EPHX1: variants seen among roughly 807,000 people sequenced by gnomAD.
EPHX1 encodes the protein epoxide hydrolase 1, also known as epoxide hydratase.
In EPHX1, 40 loss-of-function variants were observed where a neutral mutation model predicts 43.2. The observed-to-expected ratio is 0.93, with a 90% CI of 0.72 to 1.21. The LOEUF is 1.21. Ranked by LOEUF, EPHX1 falls within the 50% of genes most tolerant of loss-of-function variation. EPHX1 has a pLI of 0.00. For synonymous variants in EPHX1, 221 were observed against 226.7 expected, an observed-to-expected ratio of 0.98 and a Z score of 0.22; for missense variants, 550 against 570.4, an observed-to-expected ratio of 0.96 and a Z score of 0.36.
At chr1:225,840,673 C>T (rs2102765093) in intron 6 of EPHX1, among the ~76,000 whole-genome samples, 1 of 152,322 alleles carries the variant, frequency 6.6e-6, no homozygotes, top group Non-Finnish European at 1.5e-5. Context: ...GAGTCATTCG[C>T]ATTACCCTCA....
intron 7 of EPHX1, 35 bp from the exon 8 acceptor site, chr1:225,844,463 C>G (rs529278472): frequency 1.4e-6 from 2 of 1,480,402 alleles, no homozygotes; most frequent in Non-Finnish European, 1.9e-6. Context: ...CTGCATGTGG[C>G]ACTGAGAGTG....
At chr1:225,839,114 C>A in intron 4 of EPHX1, 103 bp from the exon 5 acceptor site, 1 of 1,578,476 alleles carries the variant, frequency 6.3e-7, no homozygotes, top group Non-Finnish European at 8.6e-7. Flanking sequence ...CTGACCTCCA[C>A]CTGGGGGTAG....
Position 225,839,194 on chromosome 1 carries a change from A to T in EPHX1, c.593-23A>T, listed in dbSNP as rs372299830. 4.0e-5 allele frequency: 65 copies of T among 1,613,828 alleles called. 1 individual carries two copies. The highest frequency in any genetic ancestry group is 5.3e-5 in the Non-Finnish European group (62 of 1,180,012). On this transcript the variant is annotated intron_variant, in intron 4 of 8. Transcript: ENST00000272167. The stretch of plus-strand genomic sequence containing the variant: ...AATCTGCCTGTGACTCCGTGACTCC[A>T]TGCCTTTCCCCATCACTGCCAGGGT...
intron 1 of EPHX1, among the ~76,000 whole-genome samples, chr1:225,827,573 G>C (rs1407140430): frequency 6.6e-6 from 1 of 152,200 alleles, no homozygotes; most frequent in East Asian, 1.9e-4. Flanking sequence ...CAACTGAGTT[G>C]ATGTGAAATG....
intron 1 of EPHX1, among the ~76,000 whole-genome samples, chr1:225,814,482 C>T (rs939247961): frequency 1.3e-5 from 2 of 152,266 alleles, no homozygotes; most frequent in South Asian, 4.1e-4. Context: ...TAGCCTTCCT[C>T]ACAGCGGTTG....
intron 1 of EPHX1, among the ~76,000 whole-genome samples, chr1:225,815,548 C>G (rs769278199): frequency 6.6e-6 from 1 of 152,066 alleles, no homozygotes; most frequent in South Asian, 2.1e-4. Context: ...CCACGGCACC[C>G]GGTCGAGATG....
At chr1:225,820,840 AG>A (rs954433729) in intron 1 of EPHX1, among the ~76,000 whole-genome samples, 2 of 152,026 alleles carry the variant, frequency 1.3e-5, no homozygotes, top group Non-Finnish European at 2.9e-5. Flanking sequence ...TATAACTGGA[AG>A]GGTGTTTATC....
chr1:225,834,408 A>G (rs928297418), intron 3 of EPHX1, among the ~76,000 whole-genome samples: 3 of 152,046 alleles, frequency 2.0e-5, no homozygotes, highest in African/African-American at 7.2e-5. Flanking sequence ...CATCTCAAAA[A>G]AAAAGGGAGA....
In EPHX1 at chr1:225,845,151, AGGTCTATGTGCCCACT is replaced by A. The variant is rs1305025217; in HGVS notation, c.1175_1190del (p.Val392AlafsTer17). The A allele has an allele frequency of 1.9e-6, 3 of 1,613,978 alleles. No homozygotes were observed. The highest frequency in any genetic ancestry group is 2.5e-6 in the Non-Finnish European group (3 of 1,179,992). On this transcript the variant is annotated frameshift_variant, in exon 9 of 9. Coordinates refer to ENST00000272167, the MANE Select transcript of EPHX1 (RefSeq NM_001136018.4). LOFTEE classifies it high-confidence loss of function. ...GTCGGCTCTTTCACTTCCAGGATGA[AGGTCTATGTGCCCACT>A]GGCTTCTCTGCCTTCCCTTTTGAGC...
intron 6 of EPHX1, among the ~76,000 whole-genome samples, chr1:225,840,515 G>A (rs2102764419): frequency 6.6e-6 from 1 of 152,248 alleles, no homozygotes; most frequent in East Asian, 1.9e-4. Flanking sequence ...AATTTATAAA[G>A]GAACCAGTAA....
chr1:225,844,430 T>C, intron 7 of EPHX1, 68 bp from the exon 8 acceptor site: 1 of 1,613,302 alleles, frequency 6.2e-7, no homozygotes, highest in East Asian at 2.2e-5. Context: ...TGTAGGACTT[T>C]CTGGCTGCCC....
At chr1:225,842,258 C>T (rs1576039813) in intron 6 of EPHX1, 108 bp from the exon 7 acceptor site, 1 of 850,208 alleles carries the variant, frequency 1.2e-6, no homozygotes, top group Non-Finnish European at 2.0e-6. Flanking sequence ...AACGTGGCTT[C>T]CTGCACACAG....
rs1411792572 is a variant in EPHX1 at position 225,834,023 on chromosome 1, G to A, written c.364+2064G>A. On this transcript the variant is annotated intron_variant, in intron 3 of 8. Transcript: ENST00000272167. ...TGAGGCAGAAGAATAGCGTGAACCC[G>A]GAAGGCGGAGCTTGCAGTGAGCCCA... Among the ~76,000 whole-genome samples the A allele has an allele frequency of 1.5e-4, 23 of 148,492 alleles. No individual in the cohort carries two copies. The East Asian group carries it at 1.6e-3, about 10-fold the overall frequency.
rs1668115829 is a variant in EPHX1, at chr1:225,838,741, C to T, written c.452C>T (p.Pro151Leu). Residue 151 changes from proline (P) to leucine (L), a missense_variant, in exon 4 of 9, where the codon CCC becomes CTC. Transcript: ENST00000272167. Reference sequence around the variant, plus strand: ...CCCTTGCTGATGGTGCACGGCTGGCCCGGCTCTTTCTACGAGTTTTATAAG... The same window carrying T: ...CCCTTGCTGATGGTGCACGGCTGGCTCGGCTCTTTCTACGAGTTTTATAAG... ...PKPLLMVHGW[P>L]GSFYEFYKII... 1.9e-6 allele frequency: 3 copies of T among 1,614,162 alleles called. No individual in the cohort carries two copies. Among genetic ancestry groups the T allele is most frequent in the Non-Finnish European group, 2.5e-6 (3 of 1,180,022 alleles).
At chr1:225,831,079 C>A (rs998973235) in intron 2 of EPHX1, among the ~76,000 whole-genome samples, 1 of 151,850 alleles carries the variant, frequency 6.6e-6, no homozygotes. Flanking sequence ...AACACAGCCA[C>A]CCCCATTCAT....
In EPHX1 at chr1:225,845,482, C is replaced by T; in HGVS notation, c.*135C>T. On this transcript the variant is annotated 3_prime_UTR_variant, in exon 9 of 9. Coordinates refer to ENST00000272167, the MANE Select transcript of EPHX1 (RefSeq NM_001136018.4). ...TGCTGGGAGCCCACGCTCACCCCCT[C>T]ACCCCTCCAAGCTCACTCCCCAACC... is the stretch of plus-strand genomic sequence containing the variant. 1.1e-6 allele frequency: 1 copy of T among 873,070 alleles called. No individual in the cohort carries two copies. The highest frequency in any genetic ancestry group is 1.6e-5 in the South Asian group (1 of 61,388). 54.1% of individuals were successfully genotyped at this position (873,070 alleles called of 1,614,324 possible). A position where few individuals can be genotyped will look rare whatever the true frequency, so the allele number is the denominator to read the frequency against.
intron 3 of EPHX1, among the ~76,000 whole-genome samples, chr1:225,836,533 G>A (rs1364322803): frequency 6.6e-6 from 1 of 152,218 alleles, no homozygotes; most frequent in Non-Finnish European, 1.5e-5. Flanking sequence ...GGGAGGTTGA[G>A]GCTGCAGTGA....
intron 1 of EPHX1, among the ~76,000 whole-genome samples, chr1:225,827,351 CCT>C (rs762415265): frequency 3.3e-5 from 5 of 152,162 alleles, no homozygotes; most frequent in African/African-American, 2.4e-5. Flanking sequence ...TAGAGACCCT[CCT>C]CTGACTCAGG....
chr1:225,828,153 G>A (rs1667351376), intron 1 of EPHX1, among the ~76,000 whole-genome samples: 1 of 152,136 alleles, frequency 6.6e-6, no homozygotes, highest in South Asian at 2.1e-4. Context: ...AGACCATCCT[G>A]GCTAACATGG....
Sources: allele counts gnomAD v4.1 joint callset (sites outside exome capture counted in the v4.1 genomes callset), GRCh38; gene constraint gnomAD v4.1.1; transcripts MANE v1.5; gene names NCBI Gene and HGNC (gene_info 2026-07-23, HGNC 2026-07-21).